Variants in MEIG1 observed in about 807,000 individuals in gnomAD.
MEIG1 encodes the protein meiosis/spermiogenesis associated 1.
MEIG1 carries 12 observed loss-of-function variants against 11.3 expected under a neutral mutation model. That is an observed-to-expected ratio of 1.07 (90% CI 0.68 to 1.73). The LOEUF is 1.73. MEIG1 is among the 40% of genes most tolerant of loss of function. The pLI, the probability that MEIG1 is intolerant of heterozygous loss-of-function variation, is 0.00. For synonymous variants in MEIG1, 41 were observed against 33.2 expected (o/e 1.24, Z -0.81); for missense variants, 119 against 104.9 (o/e 1.13, Z -0.59).
At chr10:14,973,727 G>A (rs12416209), downstream of MEIG1, among the ~76,000 whole-genome samples, 96,146 of 144,938 alleles carry the variant, frequency 0.66, 31,956 homozygotes, top group Admixed American at 0.69. Context: ...CCAAGATCCC[G>A]CCACTGCACT....
chr10:14,978,467 A>T (rs1010319639), intron 1 of MEIG1, among the ~76,000 whole-genome samples: 2 of 151,690 alleles, frequency 1.3e-5, no homozygotes, highest in South Asian at 4.2e-4. Flanking sequence ...CTCTAGGGAG[A>T]TGTTACTCCT....
chr10:14,980,203 G>C (rs1843250176), intron 1 of MEIG1, among the ~76,000 whole-genome samples: 1 of 151,944 alleles, frequency 6.6e-6, no homozygotes, highest in African/African-American at 2.4e-5. Context: ...AGTATCCCAG[G>C]GGGATGTTAC....
At chr10:14,970,848 G>T (rs1375878809) in intron 2 of MEIG1, among the ~76,000 whole-genome samples, 2 of 152,098 alleles carry the variant, frequency 1.3e-5, no homozygotes, top group Non-Finnish European at 2.9e-5. Context: ...TTGGAGAAAG[G>T]GTGCAGGACT....
intron 1 of MEIG1, among the ~76,000 whole-genome samples, chr10:14,961,127 T>A (rs1308608349): frequency 4.6e-5 from 7 of 152,366 alleles, no homozygotes; most frequent in Middle Eastern, 3.4e-3. Flanking sequence ...ATGCATTTAA[T>A]GCACCTAGCC....
At chr10:14,958,137 A>C (rs1316342890), upstream of MEIG1, among the ~76,000 whole-genome samples, 1 of 152,218 alleles carries the variant, frequency 6.6e-6, no homozygotes, top group Non-Finnish European at 1.5e-5. Context: ...CACATCTACT[A>C]AAAGACATGA....
At chr10:14,981,561 A>C (rs1485129611) in intron 1 of MEIG1, among the ~76,000 whole-genome samples, 1 of 152,074 alleles carries the variant, frequency 6.6e-6, no homozygotes, top group Non-Finnish European at 1.5e-5. Context: ...GCGAATGTTC[A>C]GCACCGGTAT....
rs768597100 is a variant in MEIG1, at chr10:14,972,588, CAG to C, written c.217_218del (p.Arg73GlyfsTer3). 3.1e-6 allele frequency: 5 copies of C among 1,613,594 alleles called. No individual in the cohort carries two copies. The highest frequency in any genetic ancestry group is 4.2e-6 in the Non-Finnish European group (5 of 1,179,848). On this transcript the variant is annotated frameshift_variant, in exon 3 of 3. Coordinates refer to ENST00000407572, the MANE Select transcript of MEIG1 (RefSeq NM_001080836.3). LOFTEE classifies it high-confidence loss of function. ...RDNTFYYYNK[Q>X]RECDDKEVHK... is the part of the protein sequence containing the mutation. The stretch of plus-strand genomic sequence containing the variant: ...CAATACGTTCTATTACTACAACAAA[CAG>C]AGGGAATGTGATGACAAAGAAGTCC...
In MEIG1 at chr10:14,972,704, T is replaced by C. The variant is rs1353299488; in HGVS notation, c.*63T>C. ...GTATTCATCATTTCCTTCTACATCA[T>C]GTGTTTGTCATTTGATGAAATAATT... On this transcript the variant is annotated 3_prime_UTR_variant, in exon 3 of 3. Transcript: ENST00000407572. 54 of 1,370,846 alleles carry C rather than the reference T, an allele frequency of 3.9e-5. No homozygotes were observed. Among genetic ancestry groups the C allele is most frequent in the Non-Finnish European group, 4.9e-5 (50 of 1,020,274 alleles). The allele number at this position is 1,370,846 out of a possible 1,614,324, so 84.9% of individuals were successfully genotyped here.
intron 1 of MEIG1, among the ~76,000 whole-genome samples, chr10:14,984,600 G>A (rs1318169550): frequency 6.6e-6 from 1 of 151,942 alleles, no homozygotes; most frequent in African/African-American, 2.4e-5. Flanking sequence ...ATATCCTAGA[G>A]GGATGTCACC....
chr10:14,971,309 C>T (rs7085819), intron 2 of MEIG1, among the ~76,000 whole-genome samples: 122,638 of 150,280 alleles, frequency 0.82, 50,644 homozygotes, highest in African/African-American at 0.94. Flanking sequence ...GGTAGGAGGA[C>T]TGCTTTAGGC....
At chr10:14,961,947 A>AG (rs1843019392) in intron 1 of MEIG1, among the ~76,000 whole-genome samples, 1 of 151,832 alleles carries the variant, frequency 6.6e-6, no homozygotes, top group South Asian at 2.1e-4. Context: ...AGCTGAGACT[A>AG]CAGTCATGGG....
chr10:14,969,867 G>A (rs776805519), intron 2 of MEIG1, among the ~76,000 whole-genome samples: 1 of 152,196 alleles, frequency 6.6e-6, no homozygotes, highest in East Asian at 1.9e-4. Flanking sequence ...AACAGCAAGT[G>A]TTTAGTAAAT....
chr10:14,973,321 T>A (rs1387164860), downstream of MEIG1, among the ~76,000 whole-genome samples: 1 of 152,202 alleles, frequency 6.6e-6, no homozygotes, highest in Non-Finnish European at 1.5e-5. Context: ...TACTAGAACA[T>A]TGCTTTGAGA....
chr10:14,985,646 G>A lies in MEIG1; in HGVS notation n.67-1150G>A, dbSNP rs11259417. Among the ~76,000 whole-genome samples the A allele has an allele frequency of 4.6e-5, 7 of 152,116 alleles. No individual in the cohort carries two copies. In the East Asian group the frequency reaches 1.4e-3, roughly 29 times the overall value. On this transcript the variant is annotated intron_variant and non_coding_transcript_variant, in intron 1 of 2. Transcript: ENST00000467536. Reference sequence around the variant, plus strand: ...TGTGATATTATTCATAATAGCCTAGGAGGATGTTTGTTTGAATGTCACAAA... The same window carrying A: ...TGTGATATTATTCATAATAGCCTAGAAGGATGTTTGTTTGAATGTCACAAA...
intron 2 of MEIG1, among the ~76,000 whole-genome samples, chr10:14,968,383 G>T (rs1199687037): frequency 6.6e-6 from 1 of 152,162 alleles, no homozygotes; most frequent in Non-Finnish European, 1.5e-5. Flanking sequence ...AACTACTTGG[G>T]AGGCTGAGGC....
At chr10:14,985,710 C>A (rs976867676) in intron 1 of MEIG1, among the ~76,000 whole-genome samples, 2 of 151,920 alleles carry the variant, frequency 1.3e-5, no homozygotes, top group Non-Finnish European at 2.9e-5. Context: ...CACCTTGTGA[C>A]GTGATCTGCA....
chr10:14,976,984 A>T (rs774841344), downstream of MEIG1, among the ~76,000 whole-genome samples: 38 of 151,620 alleles, frequency 2.5e-4, no homozygotes, highest in Admixed American at 1.7e-3. Flanking sequence ...TATTCGTTAT[A>T]TCCACGGGGG....
chr10:14,979,669 A>G (rs553704473), intron 1 of MEIG1, among the ~76,000 whole-genome samples: 1 of 152,128 alleles, frequency 6.6e-6, no homozygotes, highest in Non-Finnish European at 1.5e-5. Context: ...ACCCTGGGAT[A>G]TTATTTCAAA....
At chr10:14,970,393 C>G (rs1337594916) in intron 2 of MEIG1, 3 of 152,178 alleles carry the variant, frequency 2.0e-5, no homozygotes, top group African/African-American at 2.4e-5. Flanking sequence ...AAGGATTGTC[C>G]CATATCAAGT....
Sources: gnomAD v4.1 joint callset for allele counts (sites outside exome capture counted in the v4.1 genomes callset) on GRCh38, gnomAD v4.1.1 for gene constraint, MANE v1.5 for transcripts, NCBI Gene and HGNC (gene_info 2026-07-23, HGNC 2026-07-21) for gene names.